The following INTS8 variants were observed in gnomAD, a reference collection of about 807,000 sequenced individuals.
INTS8 encodes the protein protein kaonashi-1.
INTS8 carries 47 observed loss-of-function variants against 138.9 expected under a neutral mutation model. The ratio of observed to expected loss-of-function variants is 0.34; its 90% CI spans 0.27 to 0.43. The LOEUF (loss-of-function observed/expected upper bound fraction) is 0.43. Among genes scored for constraint, INTS8 ranks in the 20% least tolerant of loss-of-function variants. The pLI is 1.00. For missense variants in INTS8, 996 were observed against 1,173.0 expected (o/e 0.85, Z 2.20); for synonymous variants, 392 against 400.9 (o/e 0.98, Z 0.27).
At chr8:94,850,189 T>A in intron 12 of INTS8, 98 bp downstream of exon 12, 1 of 799,032 alleles carries the variant, frequency 1.3e-6, no homozygotes, top group Non-Finnish European at 2.0e-6. Flanking sequence ...TTGTTTTAAT[T>A]AACACTTGTG....
At chr8:94,865,238 G>A (rs532965858) in intron 16 of INTS8, among the ~76,000 whole-genome samples, 9 of 151,266 alleles carry the variant, frequency 5.9e-5, no homozygotes, top group Non-Finnish European at 8.8e-5. Context: ...ATCTCTTTGC[G>A]TTGTCTCATT....
chr8:94,838,682 C>A, intron 8 of INTS8, 64 bp downstream of exon 8: 1 of 1,349,534 alleles, frequency 7.4e-7, no homozygotes, highest in Non-Finnish European at 1.0e-6. Flanking sequence ...TTCAAATCCT[C>A]GCACCATCCA....
chr8:94,849,105 A>T lies in INTS8; in HGVS notation c.1261-357A>T, dbSNP rs376511919. Among the ~76,000 whole-genome samples the T allele has an allele frequency of 5.0e-4, 76 of 152,156 alleles. 1 individual carries two copies. The South Asian group carries it at 0.013, about 27-fold the overall frequency. ...AATTATTTTCTTTTTGGTTTTAAAAATTTTTTATTTTTTTAACTCTTTTCT... is the reference window on the plus strand; with the variant it reads ...AATTATTTTCTTTTTGGTTTTAAAATTTTTTTATTTTTTTAACTCTTTTCT... On this transcript the variant is annotated intron_variant, in intron 10 of 26. Coordinates refer to ENST00000523731, the MANE Select transcript of INTS8 (RefSeq NM_017864.4).
intron 26 of INTS8, among the ~76,000 whole-genome samples, chr8:94,879,369 G>A (rs1053904650): frequency 2.6e-5 from 4 of 152,038 alleles, no homozygotes; most frequent in Non-Finnish European, 4.4e-5. Flanking sequence ...CTGAGGTGGC[G>A]GATCACCTGA....
At chr8:94,849,669 A>C in intron 11 of INTS8, 137 bp downstream of exon 11, 1 of 629,190 alleles carries the variant, frequency 1.6e-6, no homozygotes, top group Admixed American at 3.4e-5. Context: ...AGAACCCATT[A>C]AGTTCAAATT....
rs191815636 is a variant in INTS8 at position 94,845,158 on chromosome 8, A to G, written c.1260+2670A>G. Among the ~76,000 whole-genome samples, 615 of 151,646 alleles carry G rather than the reference A, an allele frequency of 4.1e-3. 6 individuals carry two copies. The highest frequency in any genetic ancestry group is 0.012 in the African/African-American group (504 of 41,262). ...GTGTTGTTTAAGAAAGCTTTTTCCT[A>G]TTGTGTCATGAAGATATTCTTCTAT... On this transcript the variant is annotated intron_variant, in intron 10 of 26. Coordinates refer to ENST00000523731, the MANE Select transcript of INTS8 (RefSeq NM_017864.4).
At chr8:94,870,108 G>A (rs1816340989) in intron 20 of INTS8, among the ~76,000 whole-genome samples, 2 of 151,376 alleles carry the variant, frequency 1.3e-5, no homozygotes, top group South Asian at 4.2e-4. Context: ...CTGGAGTGCA[G>A]TAGCGCGATC....
Position 94,827,319 on chromosome 8 carries a change from T to C in INTS8, c.362T>C (p.Val121Ala). Reference sequence around the variant, plus strand: ...AATGAACTACTCTGCATCAGTAAAGTTCCTCCTGGGACAAAGCATGTAGAC... The same window carrying C: ...AATGAACTACTCTGCATCAGTAAAGCTCCTCCTGGGACAAAGCATGTAGAC... ...LLNELLCISKVPPGTKHVDMD... is the reference protein window; with the variant it reads ...LLNELLCISKAPPGTKHVDMD... The change falls in exon 3 of 27, where the codon GTT becomes GCT. Residue 121 changes from valine to alanine, a missense_variant. Coordinates refer to ENST00000523731, the MANE Select transcript of INTS8 (RefSeq NM_017864.4). The C allele has an allele frequency of 6.2e-7, 1 of 1,613,756 alleles. No homozygotes were observed.
rs767971534 is a variant in INTS8 at position 94,866,161 on chromosome 8, T to G, written c.2265T>G (p.Ser755Arg). ...RESTLGIMYR[S>R]ELLSFIKKLR... ...TTCAAAAATTTTTGTTTTGTAGGAG[T>G]GAACTGCTTTCTTTTATCAAAAAAT... The change falls in exon 18 of 27, where the codon AGT becomes AGG. Residue 755 changes from serine (S) to arginine (R), a missense_variant. Coordinates refer to ENST00000523731, the MANE Select transcript of INTS8 (RefSeq NM_017864.4). 1 of 1,279,146 alleles carries G rather than the reference T, an allele frequency of 7.8e-7. No homozygotes were observed. The highest frequency in any genetic ancestry group is 1.1e-6 in the Non-Finnish European group (1 of 897,430). 79.2% of individuals were successfully genotyped at this position (1,279,146 alleles called of 1,614,324 possible). A position where few individuals can be genotyped will look rare whatever the true frequency, so the allele number is the denominator to read the frequency against.
Position 94,865,456 on chromosome 8 carries a change from T to C in INTS8, c.2077-50T>C, listed in dbSNP as rs755191697. ...GTGTGCCTTGATAATAGAACTAATG[T>C]GCACGACATTACAGATTATCTTTTG... is the stretch of plus-strand genomic sequence containing the variant. On this transcript the variant is annotated intron_variant, in intron 16 of 26. Transcript: ENST00000523731. 9 of 1,471,944 alleles carry C rather than the reference T, an allele frequency of 6.1e-6. No homozygotes were observed. The Admixed American group carries it at 1.6e-4, about 26-fold the overall frequency. The allele number at this position is 1,471,944 out of a possible 1,614,324, so 91.2% of individuals were successfully genotyped here.
chr8:94,881,645 G>C lies in INTS8; in HGVS notation c.*1411G>C. ...TAGTTATCTTCTTTAGTGTTTTCCT[G>C]GTGGTTTTTCAGTGCTCTTCGGTGG... On this transcript the variant is annotated 3_prime_UTR_variant, in exon 27 of 27. Coordinates refer to ENST00000523731, the MANE Select transcript of INTS8 (RefSeq NM_017864.4). 1 of 1,612,680 alleles carries C rather than the reference G, an allele frequency of 6.2e-7. No individual in the cohort carries two copies. Among genetic ancestry groups the C allele is most frequent in the Non-Finnish European group, 8.5e-7 (1 of 1,179,540 alleles).
Position 94,842,505 on chromosome 8 carries a change from T to A in INTS8, c.1260+17T>A, listed in dbSNP as rs768965563. 1.3e-6 allele frequency: 2 copies of A among 1,582,920 alleles called. No homozygotes were observed. Among genetic ancestry groups the A allele is most frequent in the Non-Finnish European group, 1.7e-6 (2 of 1,161,914 alleles). ...CTTCTTGAGGTATGACATGTTTTTC[T>A]TTCCCCTTTTGATTTATAATTTGCT... On this transcript the variant is annotated intron_variant, in intron 10 of 26. Coordinates refer to ENST00000523731, the MANE Select transcript of INTS8 (RefSeq NM_017864.4).
In INTS8 at chr8:94,856,949, T is replaced by C. The variant is rs373633858; in HGVS notation, c.1925T>C (p.Val642Ala). 1.6e-5 allele frequency: 26 copies of C among 1,613,916 alleles called. No individual in the cohort carries two copies. In the East Asian group the frequency reaches 1.8e-4, roughly 11 times the overall value. ...ERPPSDLISR[V>A]RGYLEMRLPD... ...CCGCCATCCGACCTTATAAGTAGAG[T>C]ACGAGGCTATCTGGAAATGAGGCTT... Residue 642 changes from valine (V) to alanine (A), a missense_variant, in exon 15 of 27, where the codon GTA (valine) becomes GCA (alanine). Physicochemically the swap from Val to Ala is moderately conservative, Grantham distance 64. Transcript: ENST00000523731.
At chr8:94,873,324 T>A (rs1232737529) in intron 21 of INTS8, 50 bp from the exon 22 acceptor site, 13 of 1,262,160 alleles carry the variant, frequency 1.0e-5, no homozygotes, top group Non-Finnish European at 1.5e-5. Flanking sequence ...AAGGAATCCC[T>A]GTTTTTCAAC....
chr8:94,878,082 C>T (rs190117727), intron 26 of INTS8, among the ~76,000 whole-genome samples: 2 of 152,296 alleles, frequency 1.3e-5, no homozygotes, highest in Non-Finnish European at 2.9e-5. Context: ...TTCCCTTTAT[C>T]CTTTACCTCA....
intron 13 of INTS8, among the ~76,000 whole-genome samples, chr8:94,853,343 A>T (rs1259927788): frequency 6.6e-6 from 1 of 152,126 alleles, no homozygotes; most frequent in Non-Finnish European, 1.5e-5. Context: ...AATTTTTAAG[A>T]TGAACAAGTA....
intron 14 of INTS8, among the ~76,000 whole-genome samples, chr8:94,854,555 G>A (rs1302055874): frequency 6.6e-6 from 1 of 152,192 alleles, no homozygotes; most frequent in Non-Finnish European, 1.5e-5. Flanking sequence ...TGAGTTTGCA[G>A]TCTGGGATGT....
At position 94,832,063 on chromosome 8, in the gene INTS8, C is replaced by T; in HGVS notation, c.642C>T (p.Val214=). 1 of 1,613,430 alleles carries T rather than the reference C, an allele frequency of 6.2e-7. No homozygotes were observed. Among genetic ancestry groups the T allele is most frequent in the Non-Finnish European group, 8.5e-7 (1 of 1,179,642 alleles). Residue 214 remains valine (V), a synonymous_variant, in exon 6 of 27, where the codon GTC becomes GTT. Transcript: ENST00000523731. ...TAAAATTAAACAAGGATCTTTATGT[C>T]CATACGATGAGAACTCTAGATTTAT... The part of the protein sequence containing the change: ...AALKLNKDLY[V]HTMRTLDLLA...
At chr8:94,837,565 T>C (rs1814969899) in intron 7 of INTS8, among the ~76,000 whole-genome samples, 1 of 152,224 alleles carries the variant, frequency 6.6e-6, no homozygotes, top group Non-Finnish European at 1.5e-5. Flanking sequence ...AACTTTTTTT[T>C]TTTAATCCTG....
Sources: gnomAD v4.1 joint callset for allele counts (sites outside exome capture counted in the v4.1 genomes callset) on GRCh38, gnomAD v4.1.1 for gene constraint, MANE v1.5 for transcripts, NCBI Gene and HGNC (gene_info 2026-07-23, HGNC 2026-07-21) for gene names.